The following SREBF1 variants were observed in gnomAD, a reference collection of about 807,000 sequenced individuals.
SREBF1 encodes the protein sterol regulatory element-binding protein 1.
In SREBF1, 45 loss-of-function variants were observed where a neutral mutation model predicts 100.1. That is an observed-to-expected ratio of 0.45 (90% CI 0.35 to 0.58). The LOEUF is 0.58. Ranked by LOEUF, SREBF1 falls within the 20% of genes least tolerant of loss-of-function variation. The probability of loss-of-function intolerance (pLI) is 0.00; values close to 1 mark genes in which losing one functional copy is unlikely to be tolerated. For missense variants in SREBF1, 1,324 were observed against 1,539.4 expected (o/e 0.86, Z 2.34); for synonymous variants, 657 against 681.8 (o/e 0.96, Z 0.57).
intron 1 of SREBF1, among the ~76,000 whole-genome samples, chr17:17,836,295 A>T (rs2035227273): frequency 6.6e-6 from 1 of 152,234 alleles, no homozygotes; most frequent in Non-Finnish European, 1.5e-5. Context: ...TCCGACGCCG[A>T]GCTGAACTCT....
At chr17:17,827,234 G>A (rs1416225093) in intron 1 of SREBF1, among the ~76,000 whole-genome samples, 1 of 152,204 alleles carries the variant, frequency 6.6e-6, no homozygotes, top group East Asian at 1.9e-4. Context: ...TCTGTCATCT[G>A]AGCCAAGGAC....
At chr17:17,820,772 G>A in intron 1 of SREBF1, 1 of 560,790 alleles carries the variant, frequency 1.8e-6, no homozygotes, top group South Asian at 1.9e-5. Context: ...TGGACAAGGT[G>A]GGCACCACAA....
chr17:17,820,358 G>C lies in SREBF1; in HGVS notation c.255C>G (p.Ala85=). The C allele has an allele frequency of 6.2e-7, 1 of 1,612,560 alleles. No individual in the cohort carries two copies. The highest frequency in any genetic ancestry group is 8.5e-7 in the Non-Finnish European group (1 of 1,178,846). The part of the protein sequence containing the change: ...PPATLSSSLE[A]FLSGPQAAPS... Reference sequence around the variant, plus strand: ...GCGCTGCCTGCGGCCCGCTCAGGAAGGCTTCAAGAGAGGAGCTCAATGTGG... The same window carrying C: ...GCGCTGCCTGCGGCCCGCTCAGGAACGCTTCAAGAGAGGAGCTCAATGTGG... Residue 85 remains alanine (A), a synonymous_variant, in exon 2 of 19, where the codon GCC becomes GCG. Transcript: ENST00000261646.
At position 17,812,742 on chromosome 17, in the gene SREBF1, G is replaced by A; in HGVS notation, c.3324C>T (p.Arg1108=). ...PPGFLSAPGQ[R]VGMLAEAART... is the part of the protein sequence containing the mutation. ...GCGCCGCCTCAGCCAGCATGCCCACGCGCTGCCCGGGCGCCGACAGGAAGC... is the reference window on the plus strand; with the variant it reads ...GCGCCGCCTCAGCCAGCATGCCCACACGCTGCCCGGGCGCCGACAGGAAGC... Residue 1108 remains arginine, a synonymous_variant, in exon 19 of 19, where the codon CGC becomes CGT. Transcript: ENST00000261646. 1.9e-6 allele frequency: 3 copies of A among 1,558,624 alleles called. No homozygotes were observed. The highest frequency in any genetic ancestry group is 2.3e-5 in the South Asian group (2 of 85,968).
chr17:17,819,720 G>A lies in SREBF1; in HGVS notation c.529C>T (p.Pro177Ser), dbSNP rs1455709088. 6.2e-7 allele frequency: 1 copy of A among 1,602,006 alleles called. No homozygotes were observed. The highest frequency in any genetic ancestry group is 2.2e-5 in the East Asian group (1 of 44,664). Residue 177 changes from proline to serine, a missense_variant, in exon 3 of 19, where the codon CCT becomes TCT. Pro to Ser is a moderately conservative substitution (Grantham distance 74). Coordinates refer to ENST00000261646, the MANE Select transcript of SREBF1 (RefSeq NM_004176.5). The part of the protein sequence containing the change: ...SPPGGFSTGS[P>S]PGNTQQPLPG... ...AGCGGCTGCTGGGTGTTCCCGGGAG[G>A]GCTTCCTGCAGAAATAAAGCATGGG...
chr17:17,817,669 G>A lies in SREBF1; in HGVS notation c.1404+27C>T. ...CTCAGAGGATATGGCTGGGAGTGGG[G>A]AAGGGGGCACCGTGGCAGGGCCCAA... On this transcript the variant is annotated intron_variant, in intron 7 of 18. Coordinates refer to ENST00000261646, the MANE Select transcript of SREBF1 (RefSeq NM_004176.5). The surrounding 1 kb of genome is among the most constrained non-coding windows in gnomAD (Gnocchi z 6.6). 6.2e-7 allele frequency: 1 copy of A among 1,611,848 alleles called. No individual in the cohort carries two copies. The highest frequency in any genetic ancestry group is 8.5e-7 in the Non-Finnish European group (1 of 1,179,044).
At chr17:17,836,288 G>A (rs2035225904) in intron 1 of SREBF1, among the ~76,000 whole-genome samples, 1 of 152,248 alleles carries the variant, frequency 6.6e-6, no homozygotes, top group Non-Finnish European at 1.5e-5. Context: ...CAAGAGCTCC[G>A]ACGCCGAGCT....
At chr17:17,814,023 AC>A (rs981677550) in intron 16 of SREBF1, 84 of 653,198 alleles carry the variant, frequency 1.3e-4, no homozygotes, top group Non-Finnish European at 2.0e-4. Context: ...CACACCATCC[AC>A]CCCCCTCCTC....
chr17:17,825,607 T>TC (rs2034439861), intron 1 of SREBF1, among the ~76,000 whole-genome samples: 1 of 143,314 alleles, frequency 7.0e-6, no homozygotes, highest in Admixed American at 6.9e-5. Context: ...CAATTTCTTT[T>TC]TTTTTTTTTT....
In SREBF1 at chr17:17,825,360, G is replaced by GC. The variant is rs562076884; in HGVS notation, c.92-4840dup. On this transcript the variant is annotated intron_variant, in intron 1 of 18. Transcript: ENST00000261646. ...ATGGGAGAGGGCGGTTGCTCTCTGAGCCCCAGGGGCAGCAGAGTCATTAAA... is the reference window on the plus strand; with the variant it reads ...ATGGGAGAGGGCGGTTGCTCTCTGAGCCCCCAGGGGCAGCAGAGTCATTAAA... Among the ~76,000 whole-genome samples, 26 of 152,000 alleles carry GC rather than the reference G, an allele frequency of 1.7e-4. No individual in the cohort carries two copies. The East Asian group carries it at 4.7e-3, about 27-fold the overall frequency.
intron 1 of SREBF1, among the ~76,000 whole-genome samples, chr17:17,822,908 G>A (rs1042346279): frequency 6.6e-6 from 1 of 152,178 alleles, no homozygotes; most frequent in African/African-American, 2.4e-5. Flanking sequence ...AGGATGGGGT[G>A]GCAGCCCCAG....
intron 1 of SREBF1, among the ~76,000 whole-genome samples, chr17:17,825,714 T>TCTC (rs1344140804): frequency 6.0e-5 from 9 of 148,980 alleles, no homozygotes; most frequent in African/African-American, 2.2e-4. Context: ...TTCAAGTGAC[T>TCTC]CTCCTGCCTC....
intron 1 of SREBF1, among the ~76,000 whole-genome samples, chr17:17,827,387 C>T (rs1231329664): frequency 6.6e-6 from 1 of 152,218 alleles, no homozygotes; most frequent in Non-Finnish European, 1.5e-5. Flanking sequence ...AGAGCACACC[C>T]TCTCGGCCTG....
Position 17,817,245 on chromosome 17 carries a change from G to A in SREBF1, c.1606+11C>T. The A allele has an allele frequency of 2.5e-6, 4 of 1,607,758 alleles. No individual in the cohort carries two copies. The highest frequency in any genetic ancestry group is 3.4e-6 in the Non-Finnish European group (4 of 1,177,668). ...GTCCCTCCCAAAGATGCCCAGGCTG[G>A]CCGGTCCCACCTCTGCTCTCGGTGC... On this transcript the variant is annotated intron_variant, in intron 8 of 18. Transcript: ENST00000261646. This position sits in a 1 kb window ranked among gnomAD's most constrained non-coding sequence, Gnocchi z 6.6.
intron 1 of SREBF1, among the ~76,000 whole-genome samples, chr17:17,830,127 G>T (rs1281568941): frequency 1.3e-5 from 2 of 152,244 alleles, no homozygotes; most frequent in Non-Finnish European, 2.9e-5. Flanking sequence ...TTGGGTAATT[G>T]CTGCTAACAT....
At position 17,817,204 on chromosome 17, in the gene SREBF1, G is replaced by A. The variant is rs1212107564; in HGVS notation, c.1606+52C>T. The A allele has an allele frequency of 1.2e-5, 20 of 1,610,906 alleles. No individual in the cohort carries two copies. Among genetic ancestry groups the A allele is most frequent in the African/African-American group, 2.7e-5 (2 of 74,884 alleles). ...CCAGAGCCCCAAGTTCACAAGCCTGGGGGCTCACCCCGAGTGTCCCTCCCA... is the reference window on the plus strand; with the variant it reads ...CCAGAGCCCCAAGTTCACAAGCCTGAGGGCTCACCCCGAGTGTCCCTCCCA... On this transcript the variant is annotated intron_variant, in intron 8 of 18. Transcript: ENST00000261646. This position sits in a 1 kb window ranked among gnomAD's most constrained non-coding sequence, Gnocchi z 6.6.
chr17:17,817,474 G>A lies in SREBF1; in HGVS notation c.1405-17C>T. 6.4e-7 allele frequency: 1 copy of A among 1,571,598 alleles called. No homozygotes were observed. Among genetic ancestry groups the A allele is most frequent in the South Asian group, 1.2e-5 (1 of 86,258 alleles). On this transcript the variant is annotated splice_polypyrimidine_tract_variant and intron_variant, in intron 7 of 18. Transcript: ENST00000261646. The surrounding 1 kb of genome is among the most constrained non-coding windows in gnomAD (Gnocchi z 6.6). ...TGGCTTTGCCTGGTGGGGTTGGGCA[G>A]GGTGGTGAGGGCAGAATCGGAGGGA...
In SREBF1 at chr17:17,823,649, G is replaced by T. The variant is rs781245364; in HGVS notation, c.92-3128C>A. 36 of 1,495,694 alleles carry T rather than the reference G, an allele frequency of 2.4e-5. 1 individual carries two copies. Among genetic ancestry groups the T allele is most frequent in the Middle Eastern group, 2.3e-4 (1 of 4,370 alleles). 92.7% of individuals were successfully genotyped at this position (1,495,694 alleles called of 1,614,324 possible). On this transcript the variant is annotated intron_variant, in intron 1 of 18. Transcript: ENST00000261646. ...GATTTTTGAAGCCGTTGAGCGCTGC[G>T]GCGCGCCCGCCCCGCCCCGCCCCGC... is the stretch of plus-strand genomic sequence containing the variant.
rs750754761 is a variant in SREBF1, at chr17:17,819,001, G to A, written c.1068+12C>T. ...GACACCCCGGTCTGTGCCCCTGCAG[G>A]CCTCTCCACACCTTTGCCTCAGTGC... On this transcript the variant is annotated intron_variant, in intron 5 of 18. Transcript: ENST00000261646. 9 of 1,611,518 alleles carry A rather than the reference G, an allele frequency of 5.6e-6. No homozygotes were observed. Among genetic ancestry groups the A allele is most frequent in the South Asian group, 1.1e-5 (1 of 91,072 alleles).
Sources: gnomAD v4.1 joint callset for allele counts (sites outside exome capture counted in the v4.1 genomes callset) on GRCh38, gnomAD v4.1.1 for gene constraint, Gnocchi (gnomAD v3.1) non-coding constraint, MANE v1.5 for transcripts, NCBI Gene and HGNC (gene_info 2026-07-23, HGNC 2026-07-21) for gene names.